C4orf51: variants seen among roughly 807,000 people sequenced by gnomAD.
The protein encoded by C4orf51 is uncharacterized protein C4orf51.
In C4orf51, 25 loss-of-function variants were observed where a neutral mutation model predicts 25.2. That is an observed-to-expected ratio of 0.99 (90% CI 0.72 to 1.39). The LOEUF is 1.39. C4orf51 is among the 40% of genes most tolerant of loss of function. The pLI is 0.00. For synonymous variants in C4orf51, 100 were observed against 84.5 expected (o/e 1.18, Z -1.01); for missense variants, 252 against 239.6 (o/e 1.05, Z -0.34).
rs1174930111 is a variant in C4orf51, at chr4:145,768,858, C to CAAAAAAAAAAAAAA, written n.167-2110_167-2097dup. On this transcript the variant is annotated intron_variant and non_coding_transcript_variant, in intron 1 of 1. Transcript: ENST00000510096. Reference sequence around the variant, plus strand: ...TGGGTGACAGAGCAAGACTCCGTCTCAAAAAAAAAAAAAAAAAAAAAAAAA... The same window carrying CAAAAAAAAAAAAAA: ...TGGGTGACAGAGCAAGACTCCGTCTCAAAAAAAAAAAAAAAAAAAAAAAAAAAAAAAAAAAAAAA... 4.4e-4 allele frequency among the ~76,000 whole-genome samples: 2 copies of CAAAAAAAAAAAAAA among 4,534 alleles called. 1 individual carries two copies. Among genetic ancestry groups the CAAAAAAAAAAAAAA allele is most frequent in the Non-Finnish European group, 9.2e-4 (2 of 2,174 alleles). 3.0% of individuals were successfully genotyped at this position (4,534 alleles called of 152,430 possible).
intron 2 of C4orf51, among the ~76,000 whole-genome samples, chr4:145,720,103 C>A (rs6819403): frequency 0.4 from 60,270 of 151,960 alleles, 13,149 homozygotes; most frequent in African/African-American, 0.59. Context: ...ATGAAGGTGG[C>A]AACAGGTGGA....
intron 2 of C4orf51, among the ~76,000 whole-genome samples, chr4:145,701,738 T>C (rs1730458672): frequency 6.6e-6 from 1 of 152,048 alleles, no homozygotes; most frequent in African/African-American, 2.4e-5. Flanking sequence ...TTGTAGTTAT[T>C]GACAGCCAGG....
rs1190807886 is a variant in C4orf51 at position 145,765,161 on chromosome 4, G to A, written n.167-5827G>A. 2.5e-6 allele frequency: 4 copies of A among 1,606,116 alleles called. No homozygotes were observed. The highest frequency in any genetic ancestry group is 2.2e-5 in the East Asian group (1 of 44,880). On this transcript the variant is annotated intron_variant and non_coding_transcript_variant, in intron 1 of 1. Coordinates refer to the C4orf51 transcript ENST00000510096. This position sits in a 1 kb window ranked among gnomAD's most constrained non-coding sequence, Gnocchi z 4.7. The stretch of plus-strand genomic sequence containing the variant: ...AGACAAAGTTGCAAAAAACACATTC[G>A]AACCCTGCAAGGACCGAAGCTGGGT...
At chr4:145,775,688 A>C, downstream of C4orf51, 1 of 1,419,744 alleles carries the variant, frequency 7.0e-7, no homozygotes, top group Non-Finnish European at 9.7e-7. Flanking sequence ...GCTATGACTG[A>C]GAAAAGGGGC....
At chr4:145,739,274 G>A (rs1326444198) in intron 1 of C4orf51, among the ~76,000 whole-genome samples, 2 of 152,214 alleles carry the variant, frequency 1.3e-5, no homozygotes, top group African/African-American at 2.4e-5. Context: ...AGAAAAGACT[G>A]TGCAGTGACC....
chr4:145,786,461 G>A, the C4orf51 span, among the ~76,000 whole-genome samples: 1 of 152,186 alleles, frequency 6.6e-6, no homozygotes, highest in African/African-American at 2.4e-5. Context: ...CTCTGGGGCC[G>A]CTTGGGTTTT....
intron 1 of C4orf51, among the ~76,000 whole-genome samples, chr4:145,692,953 G>GTTTTTTTTTTTTTTTTTTTTT (rs202227019): frequency 1.5e-4 from 15 of 100,968 alleles, no homozygotes; most frequent in East Asian, 6.3e-4. Context: ...TAAGTTTTTA[G>GTTTTTTTTTTTTTTTTTTTTT]TTTTTTTTTT....
intron 2 of C4orf51, among the ~76,000 whole-genome samples, chr4:145,701,158 C>T (rs1730412628): frequency 6.6e-6 from 1 of 151,902 alleles, no homozygotes; most frequent in African/African-American, 2.4e-5. Flanking sequence ...CTGCTCCCAA[C>T]ATTAAACTCC....
At chr4:145,683,199 A>T (rs1291831380) in intron 1 of C4orf51, among the ~76,000 whole-genome samples, 2 of 152,158 alleles carry the variant, frequency 1.3e-5, no homozygotes, top group Non-Finnish European at 2.9e-5. Flanking sequence ...CTAACAAAAT[A>T]TGTACAAGGT....
At chr4:145,744,766 T>C (rs1733276350) in intron 1 of C4orf51, among the ~76,000 whole-genome samples, 1 of 151,628 alleles carries the variant, frequency 6.6e-6, no homozygotes, top group Admixed American at 6.6e-5. Flanking sequence ...GGCAAGAGAA[T>C]GGCGTGAACC....
chr4:145,729,441 A>G (rs1215241173), intron 4 of C4orf51, among the ~76,000 whole-genome samples: 2 of 151,122 alleles, frequency 1.3e-5, no homozygotes, highest in Admixed American at 1.3e-4. Flanking sequence ...AGCTGGGACT[A>G]CCGGCGCCCG....
intron 1 of C4orf51, among the ~76,000 whole-genome samples, chr4:145,743,035 G>A (rs1050391790): frequency 2.6e-5 from 4 of 152,132 alleles, no homozygotes; most frequent in Admixed American, 6.5e-5. Context: ...AGCTAGAAGG[G>A]GACAAAGCTG....
chr4:145,759,730 T>C (rs753916994), intron 1 of C4orf51: 4 of 152,090 alleles, frequency 2.6e-5, no homozygotes, highest in Admixed American at 6.5e-5. Flanking sequence ...TGCAAGACCA[T>C]AGCACTGTGC....
At chr4:145,742,532 G>GTTTTTT (rs141147414) in intron 1 of C4orf51, among the ~76,000 whole-genome samples, 7 of 104,988 alleles carry the variant, frequency 6.7e-5, no homozygotes, top group Admixed American at 1.1e-4. Flanking sequence ...TCTTTTTCTT[G>GTTTTTT]TTTTTTTTTT....
chr4:145,683,271 G>C (rs1477997682), intron 1 of C4orf51, among the ~76,000 whole-genome samples: 1 of 152,106 alleles, frequency 6.6e-6, no homozygotes, highest in Non-Finnish European at 1.5e-5. Flanking sequence ...ATCAAATGGA[G>C]AGATTTTTCC....
the C4orf51 span, chr4:145,779,641 T>A: frequency 3.9e-6 from 5 of 1,275,370 alleles, no homozygotes; most frequent in Non-Finnish European, 5.3e-6. Context: ...TGAGTCTCCG[T>A]AACTGGTTTT....
intron 1 of C4orf51, among the ~76,000 whole-genome samples, chr4:145,769,847 TTTAAA>T (rs1724749033): frequency 1.3e-5 from 2 of 152,188 alleles, no homozygotes; most frequent in Non-Finnish European, 2.9e-5. Flanking sequence ...ATTGCACAAT[TTTAAA>T]CAGCACAAAT....
At chr4:145,725,178 T>C (rs1731987615) in intron 2 of C4orf51, among the ~76,000 whole-genome samples, 2 of 151,408 alleles carry the variant, frequency 1.3e-5, no homozygotes, top group Admixed American at 1.3e-4. Context: ...AAAAAACCTA[T>C]TGAAATAAAA....
chr4:145,740,182 T>C (rs1342340821), intron 1 of C4orf51, among the ~76,000 whole-genome samples: 1 of 143,652 alleles, frequency 7.0e-6, no homozygotes, highest in African/African-American at 2.7e-5. Context: ...ACTAGGGCTC[T>C]ATCTGTATCC....
Sources: allele counts gnomAD v4.1 joint callset (sites outside exome capture counted in the v4.1 genomes callset), GRCh38; gene constraint gnomAD v4.1.1; non-coding constraint Gnocchi (gnomAD v3.1); transcripts MANE v1.5; gene names NCBI Gene and HGNC (gene_info 2026-07-23, HGNC 2026-07-21).